Variants in PATL2 observed in about 807,000 individuals in gnomAD.
PATL2 encodes PAT1 homolog 2, also known as protein PAT1 homolog 2.
In PATL2, 73 loss-of-function variants were observed where a neutral mutation model predicts 77.0. The observed-to-expected ratio is 0.95, with a 90% CI of 0.78 to 1.15. PATL2 has a LOEUF of 1.15. Ranked by LOEUF, PATL2 falls within the 50% of genes most tolerant of loss-of-function variation. The pLI, the probability that PATL2 is intolerant of heterozygous loss-of-function variation, is 0.00. For missense variants in PATL2, 618 were observed against 655.4 expected (o/e 0.94, Z 0.62); for synonymous variants, 265 against 257.1 (o/e 1.03, Z -0.29).
chr15:44,667,030 A>T, intron 16 of PATL2, 76 bp downstream of exon 16: 3 of 1,170,174 alleles, frequency 2.6e-6, no homozygotes, highest in Non-Finnish European at 3.7e-6. Context: ...AAAATGCCTC[A>T]GGAAATACTT....
At chr15:44,680,843 T>C (rs1162332631) in intron 3 of PATL2, among the ~76,000 whole-genome samples, 1 of 152,186 alleles carries the variant, frequency 6.6e-6, no homozygotes, top group African/African-American at 2.4e-5. Flanking sequence ...CAACACTTTT[T>C]CTGGACAATT....
rs115757719 is a variant in PATL2, at chr15:44,675,813, A to G, written c.17-122T>C. The G allele has an allele frequency of 1.4e-3, 1,120 of 820,990 alleles. 9 individuals are homozygous for G. In the African/African-American group the frequency reaches 0.018, roughly 13 times the overall value. 50.9% of individuals were successfully genotyped at this position (820,990 alleles called of 1,614,324 possible). ...GCCATCTCCAGCACCACCTTTGAAC[A>G]TAACGCCTCCTGTTCTGTGGGTTTA... is the stretch of plus-strand genomic sequence containing the variant. On this transcript the variant is annotated intron_variant, in intron 4 of 17. Transcript: ENST00000682850.
rs2085588168 is a variant in PATL2 at position 44,669,971 on chromosome 15, C to T, written c.774G>A (p.Glu258=). 1 of 1,548,440 alleles carries T rather than the reference C, an allele frequency of 6.5e-7. No homozygotes were observed. The highest frequency in any genetic ancestry group is 2.4e-5 in the East Asian group (1 of 40,908). The change falls in exon 10 of 18, where the codon GAG becomes GAA. Residue 258 remains glutamate, a synonymous_variant. Transcript: ENST00000682850. Reference sequence around the variant, plus strand: ...GCAGGTCAGCCCTGACCCTACCGGACTCATAAGCCTCTGCCTTCGGAATGT... The same window carrying T: ...GCAGGTCAGCCCTGACCCTACCGGATTCATAAGCCTCTGCCTTCGGAATGT... ...TPYIPKAEAY[E]SVVRIEGSLG... is the part of the protein sequence containing the mutation.
intron 11 of PATL2, 83 bp downstream of exon 11, chr15:44,669,694 C>A: frequency 6.6e-7 from 1 of 1,509,860 alleles, no homozygotes; most frequent in South Asian, 1.2e-5. Context: ...CCTCCTTCTT[C>A]GGTCACAGTC....
Position 44,665,931 on chromosome 15 carries a change from C to T in PATL2, c.*22G>A, listed in dbSNP as rs2085345695. 1 of 1,549,746 alleles carries T rather than the reference C, an allele frequency of 6.5e-7. No homozygotes were observed. The highest frequency in any genetic ancestry group is 1.7e-4 in the Middle Eastern group (1 of 5,984). The stretch of plus-strand genomic sequence containing the variant: ...GTCTGATGATTCAACTTCCCACATA[C>T]ACGTATTCCAGAACAAACAGATCAG... On this transcript the variant is annotated 3_prime_UTR_variant, in exon 18 of 18. Transcript: ENST00000682850.
intron 3 of PATL2, among the ~76,000 whole-genome samples, chr15:44,699,958 C>G (rs190293364): frequency 8.5e-5 from 13 of 152,160 alleles, no homozygotes; most frequent in Non-Finnish European, 1.8e-4. Flanking sequence ...GTTCTTTTTG[C>G]TCAAGATAGT....
chr15:44,676,811 A>G, intron 3 of PATL2: 1 of 1,155,368 alleles, frequency 8.7e-7, no homozygotes. Context: ...GTACTTCCCA[A>G]CCGACATCAC....
chr15:44,676,998 A>C, intron 3 of PATL2: 1 of 743,512 alleles, frequency 1.3e-6, no homozygotes, highest in Middle Eastern at 6.9e-4. Flanking sequence ...TCCTCCATCC[A>C]TTGGGGCCTG....
chr15:44,702,295 C>A (rs2086645694), intron 3 of PATL2, among the ~76,000 whole-genome samples: 1 of 152,014 alleles, frequency 6.6e-6, no homozygotes, highest in Admixed American at 6.6e-5. Flanking sequence ...ATAGTAGCCT[C>A]TAATGATCGT....
chr15:44,675,389 A>G (rs1435438165), intron 5 of PATL2, 97 bp downstream of exon 5: 5 of 1,353,070 alleles, frequency 3.7e-6, no homozygotes, highest in South Asian at 1.5e-5. Context: ...AACTTGTCTT[A>G]GAAAAGGGTA....
At chr15:44,696,543 T>A (rs1381196504) in intron 3 of PATL2, among the ~76,000 whole-genome samples, 1 of 152,208 alleles carries the variant, frequency 6.6e-6, no homozygotes, top group Non-Finnish European at 1.5e-5. Flanking sequence ...TCTGATAGAC[T>A]GCAATGGTTA....
At position 44,668,909 on chromosome 15, in the gene PATL2, G is replaced by A. The variant is rs2085518089; in HGVS notation, c.1224+71C>T. On this transcript the variant is annotated intron_variant, in intron 14 of 17. Transcript: ENST00000682850. The stretch of plus-strand genomic sequence containing the variant: ...TCTCTGGCATCTCTGGGGCATGTGG[G>A]GACTGGAGGGGAGGAATGACCCCTA... 7.7e-6 allele frequency: 11 copies of A among 1,431,210 alleles called. No individual in the cohort carries two copies. The Admixed American group carries it at 2.5e-4, about 32-fold the overall frequency. The allele number at this position is 1,431,210 out of a possible 1,614,324, so 88.7% of individuals were successfully genotyped here.
At chr15:44,704,394 T>A (rs1183657055) in intron 3 of PATL2, among the ~76,000 whole-genome samples, 2 of 152,090 alleles carry the variant, frequency 1.3e-5, no homozygotes, top group Admixed American at 6.6e-5. Flanking sequence ...ATTTTATTAT[T>A]TTTGGCATAT....
Position 44,672,383 on chromosome 15 carries a change from T to C in PATL2, c.515+5A>G. 1 of 1,551,594 alleles carries C rather than the reference T, an allele frequency of 6.4e-7. No homozygotes were observed. The highest frequency in any genetic ancestry group is 1.4e-5 in the African/African-American group (1 of 73,148). On this transcript the variant is annotated splice_donor_5th_base_variant and intron_variant, in intron 8 of 17. Coordinates refer to ENST00000682850, the MANE Select transcript of PATL2 (RefSeq NM_001387263.1). Reference sequence around the variant, plus strand: ...CCTCAACCCTGCTCCTGGTCTGGGCTTTACCTTGGTGTTTGACTATGCTGC... The same window carrying C: ...CCTCAACCCTGCTCCTGGTCTGGGCCTTACCTTGGTGTTTGACTATGCTGC...
intron 3 of PATL2, among the ~76,000 whole-genome samples, chr15:44,706,656 C>T (rs2086742129): frequency 6.6e-6 from 1 of 152,232 alleles, no homozygotes; most frequent in Admixed American, 6.5e-5. Context: ...GGAGAAGTGA[C>T]ACAAACACCC....
At chr15:44,698,030 T>A (rs2086547082) in intron 3 of PATL2, among the ~76,000 whole-genome samples, 1 of 152,032 alleles carries the variant, frequency 6.6e-6, no homozygotes, top group African/African-American at 2.4e-5. Context: ...CATACCACCA[T>A]GCCTGGCTTG....
In PATL2 at chr15:44,709,522, A is replaced by C. The variant is rs1206932892; in HGVS notation, c.-76+574T>G. On this transcript the variant is annotated intron_variant, in intron 3 of 17. Coordinates refer to ENST00000682850, the MANE Select transcript of PATL2 (RefSeq NM_001387263.1). ...CACAGCAAGACTCTGTCTCCACAAA[A>C]ATATTAAAAATTAAAAAAAAAAGAA... 3.3e-5 allele frequency among the ~76,000 whole-genome samples: 5 copies of C among 152,090 alleles called. No individual in the cohort carries two copies. In the East Asian group the frequency reaches 9.6e-4, roughly 29 times the overall value.
chr15:44,676,542 A>T lies in PATL2; in HGVS notation c.-52T>A. On this transcript the variant is annotated 5_prime_UTR_variant, in exon 4 of 18. The change abolishes an upstream ATG in the 5' untranslated region. Transcript: ENST00000682850. ...TAGCCGTGTCCTCCAGTGAAACAGC[A>T]TTGCCAGCCTCTGGAAGGTAAACCT... 1 of 1,551,056 alleles carries T rather than the reference A, an allele frequency of 6.4e-7. No individual in the cohort carries two copies. The highest frequency in any genetic ancestry group is 8.7e-7 in the Non-Finnish European group (1 of 1,146,592).
intron 3 of PATL2, among the ~76,000 whole-genome samples, chr15:44,679,429 T>C (rs1018650918): frequency 6.6e-6 from 1 of 152,074 alleles, no homozygotes; most frequent in Admixed American, 6.5e-5. Context: ...GGTTTCACCA[T>C]GTTGGCCAGT....
Sources: gnomAD v4.1 joint callset for allele counts (sites outside exome capture counted in the v4.1 genomes callset) on GRCh38, gnomAD v4.1.1 for gene constraint, MANE v1.5 for transcripts, NCBI Gene and HGNC (gene_info 2026-07-23, HGNC 2026-07-21) for gene names.